The following SRGAP2C variants were observed in gnomAD, a reference collection of about 807,000 sequenced individuals.
The protein encoded by SRGAP2C is SLIT-ROBO Rho GTPase activating protein 2C, also known as SLIT-ROBO Rho GTPase-activating protein 2C.
Under a neutral mutation model 25.1 loss-of-function variants are expected in SRGAP2C, and 15 were observed. The ratio of observed to expected loss-of-function variants is 0.60; its 90% CI spans 0.40 to 0.92. The LOEUF (loss-of-function observed/expected upper bound fraction) is 0.92. SRGAP2C is among the 40% of genes least tolerant of loss of function. The pLI, the probability that SRGAP2C is intolerant of heterozygous loss-of-function variation, is 0.00. For missense variants in SRGAP2C, 144 were observed against 264.4 expected (o/e 0.54, Z 3.16); for synonymous variants, 44 against 96.6 (o/e 0.46, Z 3.19).
At chr1:121,292,175 C>A (rs1245917570) in intron 3 of SRGAP2C, among the ~76,000 whole-genome samples, 1 of 151,854 alleles carries the variant, frequency 6.6e-6, no homozygotes, top group Non-Finnish European at 1.5e-5. Context: ...TCAGTGAATA[C>A]CTAAAGAGTC....
At position 121,342,593 on chromosome 1, in the gene SRGAP2C, A is replaced by G; in HGVS notation, c.423+17953A>G. Reference sequence around the variant, plus strand: ...ATCTTGGGAAACTGTGGTGCCTACAACTTAACCTCCTTTAAAATTTTAAGC... The same window carrying G: ...ATCTTGGGAAACTGTGGTGCCTACAGCTTAACCTCCTTTAAAATTTTAAGC... On this transcript the variant is annotated intron_variant, in intron 4 of 9. Transcript: ENST00000367123. 2.8e-5 allele frequency among the ~76,000 whole-genome samples: 2 copies of G among 70,856 alleles called. 1 individual carries two copies. The highest frequency in any genetic ancestry group is 1.0e-4 in the African/African-American group (2 of 19,714). 46.5% of individuals were successfully genotyped at this position (70,856 alleles called of 152,430 possible). A position where few individuals can be genotyped will look rare whatever the true frequency, so the allele number is the denominator to read the frequency against.
At chr1:121,329,433 C>T (rs1658388000) in intron 4 of SRGAP2C, among the ~76,000 whole-genome samples, 1 of 127,332 alleles carries the variant, frequency 7.9e-6, no homozygotes, top group African/African-American at 3.0e-5. Flanking sequence ...GCACATAAAC[C>T]TTCAAAGGGT....
intron 2 of SRGAP2C, among the ~76,000 whole-genome samples, chr1:121,214,065 G>GC (rs1655332958): frequency 6.8e-6 from 1 of 146,048 alleles, no homozygotes; most frequent in Non-Finnish European, 1.5e-5. Flanking sequence ...ACAGTGGCAT[G>GC]ATCTTGGCTT....
intron 2 of SRGAP2C, among the ~76,000 whole-genome samples, chr1:121,228,799 G>A (rs1655746394): frequency 6.6e-6 from 1 of 150,836 alleles, no homozygotes; most frequent in Non-Finnish European, 1.5e-5. Context: ...TAGGGCTCCT[G>A]ACAGTATCTG....
chr1:121,355,305 C>CTT (rs1203362201), intron 4 of SRGAP2C, among the ~76,000 whole-genome samples: 11 of 37,314 alleles, frequency 2.9e-4, no homozygotes, highest in Admixed American at 1.1e-3. Flanking sequence ...GATACACATT[C>CTT]TTTTTTTTTT....
At chr1:121,268,023 G>A (rs1553334662) in intron 2 of SRGAP2C, among the ~76,000 whole-genome samples, 1 of 146,982 alleles carries the variant, frequency 6.8e-6, no homozygotes. Context: ...TTTATTGAGT[G>A]CTTACTCTAT....
Position 121,185,138 on chromosome 1 carries a change from C to A in SRGAP2C, c.-543+14C>A. Reference sequence around the variant, plus strand: ...CGTCAGAGCCAGGTAAAGGCTCCTTCCCTCTTCCTTTTCTTCCTCCCGGCC... The same window carrying A: ...CGTCAGAGCCAGGTAAAGGCTCCTTACCTCTTCCTTTTCTTCCTCCCGGCC... On this transcript the variant is annotated intron_variant, in intron 1 of 9. Coordinates refer to ENST00000367123, the MANE Select transcript of SRGAP2C (RefSeq NM_001329984.2). 2.2e-6 allele frequency: 1 copy of A among 462,474 alleles called. No homozygotes were observed. Among genetic ancestry groups the A allele is most frequent in the Non-Finnish European group, 3.8e-6 (1 of 266,176 alleles). 28.6% of individuals were successfully genotyped at this position (462,474 alleles called of 1,614,324 possible).
intron 2 of SRGAP2C, among the ~76,000 whole-genome samples, chr1:121,259,743 C>T (rs1276110786): frequency 6.7e-6 from 1 of 150,014 alleles, no homozygotes; most frequent in Non-Finnish European, 1.5e-5. Flanking sequence ...ATATAAATTG[C>T]TAGTGTTTAG....
At chr1:121,274,892 A>AC (rs587611830) in intron 2 of SRGAP2C, among the ~76,000 whole-genome samples, 1,354 of 128,184 alleles carry the variant, frequency 0.011, 27 homozygotes, top group South Asian at 0.032. Context: ...CTGCTTATTT[A>AC]CCCCTTCTCT....
intron 2 of SRGAP2C, among the ~76,000 whole-genome samples, chr1:121,216,427 A>G (rs1334748885): frequency 6.6e-5 from 10 of 152,006 alleles, no homozygotes; most frequent in Non-Finnish European, 1.5e-5. Context: ...GGAAATGGGT[A>G]AGATTATAGA....
intron 4 of SRGAP2C, among the ~76,000 whole-genome samples, chr1:121,346,929 T>C (rs1486933462): frequency 6.6e-6 from 1 of 152,108 alleles, no homozygotes. Flanking sequence ...CAAATGCATT[T>C]GACTCCTTCT....
chr1:121,363,705 G>T (rs1218588183), intron 4 of SRGAP2C, among the ~76,000 whole-genome samples: 2 of 151,896 alleles, frequency 1.3e-5, no homozygotes, highest in Admixed American at 6.6e-5. Flanking sequence ...TCCAAGAATG[G>T]GAGCTACATC....
At chr1:121,289,254 G>A (rs1353909347) in intron 3 of SRGAP2C, among the ~76,000 whole-genome samples, 1 of 149,702 alleles carries the variant, frequency 6.7e-6, no homozygotes. Context: ...TGCCCCGCGG[G>A]AAGGCAGCTA....
chr1:121,352,123 AT>A (rs1553346187), intron 4 of SRGAP2C, among the ~76,000 whole-genome samples: 2 of 7,438 alleles, frequency 2.7e-4, no homozygotes, highest in Non-Finnish European at 5.5e-4. Flanking sequence ...TATCTCAATA[AT>A]TTAAAAAATC....
intron 3 of SRGAP2C, among the ~76,000 whole-genome samples, chr1:121,321,038 G>T (rs1253761127): frequency 6.6e-6 from 1 of 151,750 alleles, no homozygotes; most frequent in Admixed American, 6.6e-5. Flanking sequence ...ATAAACCTAT[G>T]CAAAGCTACA....
intron 2 of SRGAP2C, among the ~76,000 whole-genome samples, chr1:121,198,401 C>A (rs1305047511): frequency 1.1e-4 from 13 of 121,536 alleles, no homozygotes; most frequent in African/African-American, 3.8e-4. Flanking sequence ...CTGTTTGAGC[C>A]CAGATCTTGC....
At chr1:121,236,368 C>CTTTTGCT (rs1308455551) in intron 2 of SRGAP2C, among the ~76,000 whole-genome samples, 4 of 150,742 alleles carry the variant, frequency 2.7e-5, no homozygotes, top group Admixed American at 2.6e-4. Context: ...GGTTTTGAAA[C>CTTTTGCT]TTTTGCTTCA....
intron 3 of SRGAP2C, among the ~76,000 whole-genome samples, chr1:121,317,032 A>ATCTGCTGTGGGT (rs1658114566): frequency 4.3e-5 from 6 of 138,050 alleles, no homozygotes; most frequent in Non-Finnish European, 7.8e-5. Context: ...AGTCAGCCAA[A>ATCTGCTGTGGGT]TCAGGGTTTT....
At position 121,390,656 on chromosome 1, in the gene SRGAP2C, T is replaced by G. The variant is rs1439105964; in HGVS notation, c.*2801T>G. ...GGCATGACCTATAAAGATCAGTTGC[T>G]TGCAAGAGTCTCAGGAAAATAATTG... On this transcript the variant is annotated 3_prime_UTR_variant, in exon 10 of 10. Transcript: ENST00000367123. 1 of 79,816 alleles carries G rather than the reference T, an allele frequency of 1.3e-5. No individual in the cohort carries two copies. The highest frequency in any genetic ancestry group is 2.4e-5 in the Non-Finnish European group (1 of 42,344). The allele number at this position is 79,816 out of a possible 1,614,324, so 4.9% of individuals were successfully genotyped here.
Sources: allele counts gnomAD v4.1 joint callset (sites outside exome capture counted in the v4.1 genomes callset), GRCh38; gene constraint gnomAD v4.1.1; transcripts MANE v1.5; gene names NCBI Gene and HGNC (gene_info 2026-07-23, HGNC 2026-07-21).